The following BRD7 variants were observed in gnomAD, a reference collection of about 807,000 sequenced individuals.
The protein encoded by BRD7 is bromodomain-containing protein 7.
In BRD7, 15 loss-of-function variants were observed where a neutral mutation model predicts 82.1. The ratio of observed to expected loss-of-function variants is 0.18; its 90% CI spans 0.12 to 0.28. The LOEUF (loss-of-function observed/expected upper bound fraction) is 0.28. Among genes scored for constraint, BRD7 ranks in the 10% least tolerant of loss-of-function variants. BRD7 has a pLI of 1.00. For missense variants in BRD7, 638 were observed against 779.9 expected (o/e 0.82, Z 2.17); for synonymous variants, 232 against 266.9 (o/e 0.87, Z 1.27).
intron 8 of BRD7, among the ~76,000 whole-genome samples, chr16:50,330,336 A>ATTTT (rs1567604853): frequency 7.2e-6 from 1 of 139,770 alleles, no homozygotes. Flanking sequence ...AAAAGAGGAC[A>ATTTT]CTTTTTTTTT....
At chr16:50,337,605 T>C (rs1425492613) in intron 6 of BRD7, among the ~76,000 whole-genome samples, 1 of 152,162 alleles carries the variant, frequency 6.6e-6, no homozygotes, top group Non-Finnish European at 1.5e-5. Flanking sequence ...CTAATAGTTG[T>C]TATTTGAGTG....
chr16:50,319,636 A>ACTGTATTTTT (rs2036987185), intron 16 of BRD7, among the ~76,000 whole-genome samples: 1 of 152,222 alleles, frequency 6.6e-6, no homozygotes, highest in Non-Finnish European at 1.5e-5. Flanking sequence ...AATGAAAAAA[A>ACTGTATTTTT]TATAAAAAAT....
intron 12 of BRD7, 97 bp downstream of exon 12, chr16:50,323,490 C>A: frequency 1.9e-6 from 2 of 1,027,884 alleles, no homozygotes; most frequent in Admixed American, 3.9e-5. Context: ...CAGAGTTCAG[C>A]TGTCATACTT....
intron 5 of BRD7, chr16:50,349,194 A>G (rs1371280616): frequency 5.6e-6 from 1 of 177,434 alleles, no homozygotes; most frequent in Non-Finnish European, 1.2e-5. Context: ...GGAATTGAAC[A>G]ATGAGAACAC....
chr16:50,329,582 T>C (rs1392803684), intron 8 of BRD7, among the ~76,000 whole-genome samples: 1 of 152,202 alleles, frequency 6.6e-6, no homozygotes, highest in African/African-American at 2.4e-5. Context: ...GTATGGCTCA[T>C]GTTTTAGATG....
intron 2 of BRD7, among the ~76,000 whole-genome samples, chr16:50,361,533 A>G (rs2038936408): frequency 6.6e-6 from 1 of 152,116 alleles, no homozygotes; most frequent in Non-Finnish European, 1.5e-5. Flanking sequence ...AATTGAGACC[A>G]CTCGTCTGAG....
At chr16:50,342,659 G>A (rs1353064976) in intron 5 of BRD7, among the ~76,000 whole-genome samples, 1 of 151,936 alleles carries the variant, frequency 6.6e-6, no homozygotes, top group Non-Finnish European at 1.5e-5. Flanking sequence ...CTGACCTTGT[G>A]ATCCACCTGC....
chr16:50,368,525 C>G, intron 1 of BRD7: 1 of 725,528 alleles, frequency 1.4e-6, no homozygotes, highest in African/African-American at 1.9e-5. Flanking sequence ...CACCAGAGAC[C>G]CACCGGACCA....
At chr16:50,348,594 G>A (rs2038384759) in intron 5 of BRD7, among the ~76,000 whole-genome samples, 1 of 152,140 alleles carries the variant, frequency 6.6e-6, no homozygotes, top group South Asian at 2.1e-4. Context: ...ATCAAAAAGT[G>A]GGCAAAGGAT....
intron 16 of BRD7, 124 bp downstream of exon 16, chr16:50,319,763 G>T: frequency 8.0e-7 from 1 of 1,253,366 alleles, no homozygotes. Context: ...AGCATCTACA[G>T]ATTTTGCTAT....
chr16:50,346,765 G>A (rs2038301106), intron 5 of BRD7, among the ~76,000 whole-genome samples: 1 of 151,210 alleles, frequency 6.6e-6, no homozygotes, highest in Admixed American at 6.6e-5. Context: ...TGAAATTGAG[G>A]CAATAGCCTA....
intron 2 of BRD7, among the ~76,000 whole-genome samples, chr16:50,367,650 C>T (rs1046470299): frequency 5.3e-5 from 8 of 152,218 alleles, no homozygotes; most frequent in African/African-American, 1.9e-4. Flanking sequence ...CAACACACTA[C>T]AACACTGTTT....
intron 1 of BRD7, 135 bp downstream of exon 1, chr16:50,368,591 G>A: frequency 6.2e-6 from 6 of 963,590 alleles, no homozygotes; most frequent in East Asian, 3.4e-5. Flanking sequence ...GCCTCCGGCA[G>A]GACGCGCCCC....
Position 50,352,559 on chromosome 16 carries a change from C to T in BRD7, c.446+1866G>A, listed in dbSNP as rs78146965. 6.2e-3 allele frequency among the ~76,000 whole-genome samples: 940 copies of T among 152,094 alleles called. 5 individuals are homozygous for T. Among genetic ancestry groups the T allele is most frequent in the African/African-American group, 0.021 (879 of 41,504 alleles). On this transcript the variant is annotated intron_variant, in intron 4 of 16. Transcript: ENST00000394688. ...GATTTCATTACCTTTGGATATATAC[C>T]CAGTAGCTGAATTGCTGGATCATAT...
intron 4 of BRD7, among the ~76,000 whole-genome samples, chr16:50,352,917 A>C (rs1288378690): frequency 6.6e-6 from 1 of 152,178 alleles, no homozygotes; most frequent in Non-Finnish European, 1.5e-5. Context: ...GGCAGCCATG[A>C]CATTTTACAG....
intron 11 of BRD7, among the ~76,000 whole-genome samples, chr16:50,325,352 C>T (rs897369523): frequency 2.0e-5 from 3 of 152,168 alleles, no homozygotes; most frequent in Non-Finnish European, 2.9e-5. Context: ...CCATCCTATC[C>T]TGCCTCCTTT....
At chr16:50,319,733 C>A (rs994201678) in intron 16 of BRD7, among the ~76,000 whole-genome samples, 154 bp downstream of exon 16, 1 of 152,122 alleles carries the variant, frequency 6.6e-6, no homozygotes, top group African/African-American at 2.4e-5. Flanking sequence ...TAGGCAAATA[C>A]CTTTTATGTT....
intron 13 of BRD7, 87 bp downstream of exon 13, chr16:50,321,895 C>T: frequency 8.1e-7 from 1 of 1,234,992 alleles, no homozygotes; most frequent in South Asian, 1.3e-5. Context: ...TTCCTTCTTA[C>T]CCAATGGGCC....
chr16:50,364,049 T>C (rs1363040718), intron 2 of BRD7, among the ~76,000 whole-genome samples: 12 of 147,106 alleles, frequency 8.2e-5, no homozygotes, highest in East Asian at 2.0e-4. Flanking sequence ...GGCAACAACA[T>C]GGGATCCTAT....
Sources: gnomAD v4.1 joint callset for allele counts (sites outside exome capture counted in the v4.1 genomes callset) on GRCh38, gnomAD v4.1.1 for gene constraint, MANE v1.5 for transcripts, NCBI Gene and HGNC (gene_info 2026-07-23, HGNC 2026-07-21) for gene names.